Variants in CYTH3 observed in about 807,000 individuals in gnomAD.
CYTH3 encodes the protein cytohesin-3.
Under a neutral mutation model 55.1 loss-of-function variants are expected in CYTH3, and 23 were observed. The observed-to-expected ratio is 0.42, with a 90% CI of 0.30 to 0.59. CYTH3 has a LOEUF of 0.59. CYTH3 is among the 20% of genes least tolerant of loss of function. The pLI, the probability that CYTH3 is intolerant of heterozygous loss-of-function variation, is 0.20. For synonymous variants in CYTH3, 249 were observed against 194.9 expected, an observed-to-expected ratio of 1.28 and a Z score of -2.31; for missense variants, 413 against 524.8, an observed-to-expected ratio of 0.79 and a Z score of 2.08.
rs565488593 is a variant in CYTH3 at position 6,237,484 on chromosome 7, C to T, written c.34+34990G>A. Among the ~76,000 whole-genome samples, 10 of 152,126 alleles carry T rather than the reference C, an allele frequency of 6.6e-5. No individual in the cohort carries two copies. In the South Asian group the frequency reaches 1.9e-3, roughly 28 times the overall value. On this transcript the variant is annotated intron_variant, in intron 1 of 12. Transcript: ENST00000350796. ...CAGCACTTTGGGAGGCCGAGGCGGG[C>T]GGATCTCCAGGTCAGGAGTTTGAGA...
chr7:6,165,635 CG>C lies in CYTH3; in HGVS notation c.901-20del. On this transcript the variant is annotated intron_variant, in intron 10 of 12. Coordinates refer to ENST00000350796, the MANE Select transcript of CYTH3 (RefSeq NM_004227.4). ...CCTTATCCTACAAGAGGAAAGTACA[CG>C]GCGGGGCTCACTGTGGGTCACCAGC... 2 of 1,613,196 alleles carry C rather than the reference CG, an allele frequency of 1.2e-6. No individual in the cohort carries two copies. The highest frequency in any genetic ancestry group is 1.7e-6 in the Non-Finnish European group (2 of 1,179,384).
chr7:6,189,368 G>A (rs928545778), intron 2 of CYTH3, among the ~76,000 whole-genome samples: 1 of 151,962 alleles, frequency 6.6e-6, no homozygotes, highest in Non-Finnish European at 1.5e-5. Context: ...CAGTACACTG[G>A]CACAATCACA....
intron 1 of CYTH3, 77 bp downstream of exon 1, chr7:6,272,397 G>T: frequency 1.6e-6 from 2 of 1,236,712 alleles, no homozygotes; most frequent in Non-Finnish European, 2.1e-6. Context: ...CCCCGGCCCA[G>T]CGCCGCGCCC....
chr7:6,252,947 C>G (rs906408955), intron 1 of CYTH3, among the ~76,000 whole-genome samples: 5 of 152,134 alleles, frequency 3.3e-5, no homozygotes, highest in Non-Finnish European at 7.3e-5. Flanking sequence ...ATGCTTGTTC[C>G]AAATTTACCC....
intron 1 of CYTH3, among the ~76,000 whole-genome samples, chr7:6,201,274 A>C (rs1449819416): frequency 6.6e-6 from 1 of 152,202 alleles, no homozygotes. Flanking sequence ...GGAAAGGGCC[A>C]GGTGAGTGGC....
intron 1 of CYTH3, among the ~76,000 whole-genome samples, chr7:6,238,214 T>G (rs550530859): frequency 1.9e-4 from 29 of 152,298 alleles, no homozygotes; most frequent in African/African-American, 6.3e-4. Flanking sequence ...CATTGCTTTT[T>G]AAATTCACTT....
At chr7:6,221,372 T>A (rs551335365) in intron 1 of CYTH3, among the ~76,000 whole-genome samples, 1 of 152,268 alleles carries the variant, frequency 6.6e-6, no homozygotes, top group East Asian at 1.9e-4. Context: ...AATGATAACA[T>A]CTCAGAGGTG....
At chr7:6,191,185 C>A (rs147963284) in intron 1 of CYTH3, among the ~76,000 whole-genome samples, 3 of 151,740 alleles carry the variant, frequency 2.0e-5, no homozygotes, top group African/African-American at 7.3e-5. Flanking sequence ...CGGTGGCTCA[C>A]GTCTCTAATC....
chr7:6,250,258 C>T (rs570559298), intron 1 of CYTH3, among the ~76,000 whole-genome samples: 1 of 152,342 alleles, frequency 6.6e-6, no homozygotes, highest in African/African-American at 2.4e-5. Context: ...CCAGATGCAA[C>T]TGTTCATAAG....
chr7:6,265,966 C>T (rs1387197234), intron 1 of CYTH3, among the ~76,000 whole-genome samples: 1 of 152,064 alleles, frequency 6.6e-6, no homozygotes, highest in African/African-American at 2.4e-5. Context: ...TGCAACAGAA[C>T]ATTGACAGCT....
chr7:6,241,744 G>T (rs925402851), intron 1 of CYTH3, among the ~76,000 whole-genome samples: 1 of 152,024 alleles, frequency 6.6e-6, no homozygotes, highest in Admixed American at 6.6e-5. Context: ...CAGTGGGGAG[G>T]GAAAGAAAGG....
chr7:6,223,267 C>T (rs1203216772), intron 1 of CYTH3, among the ~76,000 whole-genome samples: 1 of 151,460 alleles, frequency 6.6e-6, no homozygotes, highest in African/African-American at 2.4e-5. Flanking sequence ...CCAGGCCGCC[C>T]CGTCTGGGAA....
chr7:6,179,522 C>T (rs565071228), intron 4 of CYTH3, among the ~76,000 whole-genome samples: 17 of 151,974 alleles, frequency 1.1e-4, no homozygotes, highest in Middle Eastern at 6.8e-3. Context: ...TCTAACAATC[C>T]TAAATCAATT....
In CYTH3 at chr7:6,166,175, G is replaced by A. The variant is rs567977948; in HGVS notation, c.824-365C>T. Among the ~76,000 whole-genome samples the A allele has an allele frequency of 1.6e-3, 244 of 152,318 alleles. 1 individual carries two copies. Among genetic ancestry groups the A allele is most frequent in the Non-Finnish European group, 2.7e-3 (186 of 68,028 alleles). On this transcript the variant is annotated intron_variant, in intron 9 of 12. Coordinates refer to ENST00000350796, the MANE Select transcript of CYTH3 (RefSeq NM_004227.4). ...GACCCCACCATGTCAGGTGGTTATCGCATTACAGAGGCCCTTGGGCAGCCC... is the reference window on the plus strand; with the variant it reads ...GACCCCACCATGTCAGGTGGTTATCACATTACAGAGGCCCTTGGGCAGCCC...
At chr7:6,180,462 C>T (rs573523941) in intron 4 of CYTH3, among the ~76,000 whole-genome samples, 30 of 152,352 alleles carry the variant, frequency 2.0e-4, no homozygotes, top group African/African-American at 7.2e-4. Context: ...GCAGAGACCA[C>T]AGTGAGGTGC....
At chr7:6,255,768 T>TG (rs927150201) in intron 1 of CYTH3, among the ~76,000 whole-genome samples, 1 of 144,452 alleles carries the variant, frequency 6.9e-6, no homozygotes, top group African/African-American at 2.6e-5. Flanking sequence ...GTTTTTTTTT[T>TG]TTTTTTTTTT....
chr7:6,247,454 T>A (rs1299452002), intron 1 of CYTH3, among the ~76,000 whole-genome samples: 1 of 152,182 alleles, frequency 6.6e-6, no homozygotes, highest in African/African-American at 2.4e-5. Context: ...CTTTTTCCCA[T>A]TGAATCTGAT....
intron 4 of CYTH3, 122 bp downstream of exon 4, chr7:6,186,928 A>G: frequency 1.0e-6 from 1 of 987,970 alleles, no homozygotes; most frequent in South Asian, 1.5e-5. Context: ...TGTGCCTTCA[A>G]CTCCCAGTCT....
At chr7:6,211,045 CT>C in intron 1 of CYTH3, among the ~76,000 whole-genome samples, 1 of 152,326 alleles carries the variant, frequency 6.6e-6, no homozygotes, top group East Asian at 1.9e-4. Flanking sequence ...TGTCTCTTCC[CT>C]GCTTAAAACA....
Sources: allele counts gnomAD v4.1 joint callset (sites outside exome capture counted in the v4.1 genomes callset), GRCh38; gene constraint gnomAD v4.1.1; transcripts MANE v1.5; gene names NCBI Gene and HGNC (gene_info 2026-07-23, HGNC 2026-07-21).